Variants in UNC5C observed in about 807,000 individuals in gnomAD.
UNC5C encodes netrin receptor UNC5C.
A neutral mutation model predicts 99.8 loss-of-function variants in UNC5C; 47 were observed. That is an observed-to-expected ratio of 0.47 (90% CI 0.37 to 0.60). The LOEUF is 0.60. Among genes scored for constraint, UNC5C ranks in the 20% least tolerant of loss-of-function variants. The pLI, the probability that UNC5C is intolerant of heterozygous loss-of-function variation, is 0.00. For synonymous variants in UNC5C, 487 were observed against 452.2 expected (o/e 1.08, Z -0.98); for missense variants, 1,062 against 1,165.9 (o/e 0.91, Z 1.30).
chr4:95,521,216 T>C (rs1722347816), intron 1 of UNC5C, among the ~76,000 whole-genome samples: 1 of 47,854 alleles, frequency 2.1e-5, no homozygotes, highest in African/African-American at 7.8e-5. Flanking sequence ...TTTTCTTTTT[T>C]CTTTTTTCTT....
chr4:95,382,006 A>C (rs1745086622), intron 1 of UNC5C, among the ~76,000 whole-genome samples: 1 of 152,184 alleles, frequency 6.6e-6, no homozygotes, highest in Non-Finnish European at 1.5e-5. Flanking sequence ...CAAGCTCAGG[A>C]GTCCCAGACG....
chr4:95,339,584 T>C (rs1276799345), intron 1 of UNC5C, among the ~76,000 whole-genome samples: 1 of 152,094 alleles, frequency 6.6e-6, no homozygotes, highest in Non-Finnish European at 1.5e-5. Flanking sequence ...CCACTTTATT[T>C]TTTAATATAA....
chr4:95,395,316 G>T (rs1005396510), intron 1 of UNC5C, among the ~76,000 whole-genome samples: 1 of 151,650 alleles, frequency 6.6e-6, no homozygotes, highest in East Asian at 1.9e-4. Context: ...CAAAATGCTG[G>T]TGAATGTCTC....
At chr4:95,320,919 C>A (rs990269245) in intron 2 of UNC5C, among the ~76,000 whole-genome samples, 1 of 152,154 alleles carries the variant, frequency 6.6e-6, no homozygotes, top group Non-Finnish European at 1.5e-5. Context: ...TGTTAATTGG[C>A]AGGGGAGAAT....
intron 1 of UNC5C, among the ~76,000 whole-genome samples, chr4:95,527,891 T>G (rs1183765979): frequency 6.6e-6 from 1 of 152,156 alleles, no homozygotes. Flanking sequence ...TCCTCCCACA[T>G]TTTTGTTTTC....
intron 1 of UNC5C, among the ~76,000 whole-genome samples, chr4:95,455,432 G>A (rs1444491721): frequency 6.6e-6 from 1 of 152,060 alleles, no homozygotes; most frequent in Non-Finnish European, 1.5e-5. Flanking sequence ...ACTTTGGGAG[G>A]TTGAGGCAGG....
At chr4:95,193,899 CG>C (rs1376049431) in intron 12 of UNC5C, among the ~76,000 whole-genome samples, 2 of 152,230 alleles carry the variant, frequency 1.3e-5, no homozygotes, top group Non-Finnish European at 2.9e-5. Context: ...CCCTGGCGCC[CG>C]GCCTGGCTTT....
rs149721363 is a variant in UNC5C, at chr4:95,263,420, G to C, written c.595-12753C>G. Among the ~76,000 whole-genome samples the C allele has an allele frequency of 4.1e-3, 631 of 152,200 alleles. 4 individuals carry two copies. Among genetic ancestry groups the C allele is most frequent in the African/African-American group, 0.015 (605 of 41,568 alleles). The stretch of plus-strand genomic sequence containing the variant: ...AAAGGCATGAGAGGATAGTGGTTCT[G>C]TTACCAAGCAAGAAATTCTACCAGG... On this transcript the variant is annotated intron_variant, in intron 4 of 15. Transcript: ENST00000453304.
Position 95,472,224 on chromosome 4 carries a change from TAATTA to T in UNC5C, c.124+76505_124+76509del, listed in dbSNP as rs568502683. Reference sequence around the variant, plus strand: ...ATAAGTTTTCCATTTTAAAGTATTTTAATTAATTTGCAGAAGTGTAAATTAAATTC... The same window carrying T: ...ATAAGTTTTCCATTTTAAAGTATTTTATTTGCAGAAGTGTAAATTAAATTC... On this transcript the variant is annotated intron_variant, in intron 1 of 15. Transcript: ENST00000453304. 8.5e-5 allele frequency among the ~76,000 whole-genome samples: 13 copies of T among 152,300 alleles called. No homozygotes were observed. The East Asian group carries it at 2.5e-3, about 29-fold the overall frequency.
At chr4:95,509,383 C>A (rs879407270) in intron 1 of UNC5C, among the ~76,000 whole-genome samples, 1 of 151,780 alleles carries the variant, frequency 6.6e-6, no homozygotes, top group Non-Finnish European at 1.5e-5. Flanking sequence ...TTTCAGCCCT[C>A]AACTCCTAAT....
chr4:95,258,746 C>CTTTTTTTTT lies in UNC5C; in HGVS notation c.595-8088_595-8080dup, dbSNP rs775570031. 3.0e-4 allele frequency among the ~76,000 whole-genome samples: 23 copies of CTTTTTTTTT among 76,044 alleles called. 2 individuals carry two copies. Among genetic ancestry groups the CTTTTTTTTT allele is most frequent in the East Asian group, 1.1e-3 (2 of 1,890 alleles). 49.9% of individuals were successfully genotyped at this position (76,044 alleles called of 152,430 possible). On this transcript the variant is annotated intron_variant, in intron 4 of 15. Transcript: ENST00000453304. ...ACTATGTGTAATCGACCATCTTATT[C>CTTTTTTTTT]TTTTTTTTTTTTTTTTTTTTTTTTT...
intron 1 of UNC5C, among the ~76,000 whole-genome samples, chr4:95,361,085 T>G (rs564676208): frequency 7.9e-5 from 12 of 152,216 alleles, no homozygotes; most frequent in African/African-American, 2.6e-4. Flanking sequence ...GAGAGAGCAA[T>G]GGATTGATTT....
chr4:95,354,479 A>ATATATTTTTTTT, intron 1 of UNC5C, among the ~76,000 whole-genome samples: 17 of 110,342 alleles, frequency 1.5e-4, no homozygotes, highest in South Asian at 2.9e-4. Context: ...ATATATATAT[A>ATATATTTTTTTT]TTTTTTTTTT....
At chr4:95,375,727 AT>A (rs1203818539) in intron 1 of UNC5C, among the ~76,000 whole-genome samples, 2 of 152,218 alleles carry the variant, frequency 1.3e-5, no homozygotes, top group Non-Finnish European at 2.9e-5. Context: ...TAAAATAAGC[AT>A]GCTCATTATT....
chr4:95,474,985 C>A (rs1203815802), intron 1 of UNC5C, among the ~76,000 whole-genome samples: 1 of 152,054 alleles, frequency 6.6e-6, no homozygotes. Context: ...TTACCCTATA[C>A]CATCAAGCAC....
chr4:95,238,728 C>T (rs1376371637), intron 7 of UNC5C, among the ~76,000 whole-genome samples: 1 of 152,108 alleles, frequency 6.6e-6, no homozygotes, highest in East Asian at 1.9e-4. Context: ...TACATATTCA[C>T]TTATGTATTA....
intron 12 of UNC5C, among the ~76,000 whole-genome samples, chr4:95,193,755 T>G (rs2149356425): frequency 6.6e-6 from 1 of 152,294 alleles, no homozygotes; most frequent in Non-Finnish European, 1.5e-5. Context: ...CTCTGCCAGC[T>G]TTTCGGCGAC....
chr4:95,328,693 G>T (rs1395558843), intron 2 of UNC5C, among the ~76,000 whole-genome samples: 1 of 149,438 alleles, frequency 6.7e-6, no homozygotes, highest in Non-Finnish European at 1.5e-5. Context: ...CAGTGTCAAA[G>T]TGTTCCTATT....
intron 4 of UNC5C, among the ~76,000 whole-genome samples, chr4:95,252,813 G>A (rs1739795620): frequency 6.6e-6 from 1 of 152,204 alleles, no homozygotes. Flanking sequence ...GAATGACGGT[G>A]ACACCAAACA....
Sources: gnomAD v4.1 joint callset for allele counts (sites outside exome capture counted in the v4.1 genomes callset) on GRCh38, gnomAD v4.1.1 for gene constraint, MANE v1.5 for transcripts, NCBI Gene and HGNC (gene_info 2026-07-23, HGNC 2026-07-21) for gene names.